Variants in CARMIL1 observed in about 807,000 individuals in gnomAD.
CARMIL1 encodes capping protein regulator and myosin 1 linker 1.
CARMIL1 carries 90 observed loss-of-function variants against 177.1 expected under a neutral mutation model. The ratio of observed to expected loss-of-function variants is 0.51; its 90% CI spans 0.43 to 0.61. CARMIL1 has a LOEUF of 0.61. Among genes scored for constraint, CARMIL1 ranks in the 20% least tolerant of loss-of-function variants. The probability of loss-of-function intolerance (pLI) is 0.00; values close to 1 mark genes in which losing one functional copy is unlikely to be tolerated. For missense variants in CARMIL1, 1,380 were observed against 1,667.0 expected (o/e 0.83, Z 3.00); for synonymous variants, 577 against 606.2 (o/e 0.95, Z 0.71).
chr6:25,451,986 G>GGGGGGGGGGGGGGGCGC, intron 8 of CARMIL1: 1 of 112,672 alleles, frequency 8.9e-6, no homozygotes, highest in Non-Finnish European at 1.7e-5. Context: ...CTAGCATCTT[G>GGGGGGGGGGGGGGGCGC]CCCCCCCCTC....
At chr6:25,388,547 G>A (rs1255344247) in intron 2 of CARMIL1, among the ~76,000 whole-genome samples, 3 of 152,138 alleles carry the variant, frequency 2.0e-5, no homozygotes, top group Non-Finnish European at 4.4e-5. Flanking sequence ...TGTATTTTTA[G>A]TAGAGACGGG....
chr6:25,518,724 T>A (rs1264015281), intron 22 of CARMIL1, among the ~76,000 whole-genome samples: 1 of 152,190 alleles, frequency 6.6e-6, no homozygotes, highest in Non-Finnish European at 1.5e-5. Flanking sequence ...GCACAACCAA[T>A]ACTCAGCATT....
chr6:25,451,986 G>GCACCCCCC, intron 8 of CARMIL1: 3 of 112,670 alleles, frequency 2.7e-5, no homozygotes, highest in South Asian at 7.1e-5. Flanking sequence ...CTAGCATCTT[G>GCACCCCCC]CCCCCCCCTC....
intron 36 of CARMIL1, among the ~76,000 whole-genome samples, chr6:25,615,873 A>G (rs1211124254): frequency 6.6e-6 from 1 of 152,242 alleles, no homozygotes; most frequent in Admixed American, 6.5e-5. Flanking sequence ...ATGGTTCTCT[A>G]ATTCTGCATT....
At chr6:25,480,823 C>G (rs186655335) in intron 11 of CARMIL1, among the ~76,000 whole-genome samples, 116 of 149,240 alleles carry the variant, frequency 7.8e-4, no homozygotes, top group African/African-American at 2.8e-3. Flanking sequence ...TGAGTTCACG[C>G]CATTCTCCTG....
At chr6:25,438,219 C>G (rs1351575843) in intron 5 of CARMIL1, among the ~76,000 whole-genome samples, 1 of 152,188 alleles carries the variant, frequency 6.6e-6, no homozygotes. Flanking sequence ...ACTTCCTGCA[C>G]TAGTACACAT....
chr6:25,411,954 C>T (rs551030242), intron 2 of CARMIL1, among the ~76,000 whole-genome samples: 1 of 152,226 alleles, frequency 6.6e-6, no homozygotes, highest in South Asian at 2.1e-4. Context: ...GTCATGGGCT[C>T]AGAGTGTAGG....
intron 16 of CARMIL1, among the ~76,000 whole-genome samples, chr6:25,499,194 T>C (rs1244044204): frequency 6.6e-6 from 1 of 152,242 alleles, no homozygotes. Context: ...TGGGGTATGC[T>C]GAGTGGAGGT....
chr6:25,516,775 T>C (rs1412521956), intron 21 of CARMIL1, among the ~76,000 whole-genome samples: 1 of 152,182 alleles, frequency 6.6e-6, no homozygotes, highest in Non-Finnish European at 1.5e-5. Context: ...GCAAACAAAC[T>C]CCTGTTTATA....
intron 2 of CARMIL1, among the ~76,000 whole-genome samples, chr6:25,412,915 G>T (rs1003763567): frequency 6.6e-6 from 1 of 152,188 alleles, no homozygotes; most frequent in African/African-American, 2.4e-5. Flanking sequence ...AGGATTTTAA[G>T]TCAGGAATTA....
intron 2 of CARMIL1, among the ~76,000 whole-genome samples, chr6:25,332,795 C>G (rs1031918160): frequency 2.4e-5 from 2 of 83,328 alleles, no homozygotes; most frequent in Admixed American, 2.3e-4. Flanking sequence ...ACACACACTT[C>G]TTTTAGGGAA....
intron 26 of CARMIL1, among the ~76,000 whole-genome samples, chr6:25,546,509 G>A (rs1809482894): frequency 6.6e-6 from 1 of 151,942 alleles, no homozygotes; most frequent in South Asian, 2.1e-4. Flanking sequence ...AGACCAGCCT[G>A]GACAACACAG....
At chr6:25,480,401 A>G (rs1801971580) in intron 11 of CARMIL1, among the ~76,000 whole-genome samples, 1 of 151,866 alleles carries the variant, frequency 6.6e-6, no homozygotes, top group East Asian at 1.9e-4. Context: ...TTCTTAATTA[A>G]TGAAATATTC....
At chr6:25,603,146 A>G (rs902850167) in intron 33 of CARMIL1, among the ~76,000 whole-genome samples, 1 of 152,210 alleles carries the variant, frequency 6.6e-6, no homozygotes, top group African/African-American at 2.4e-5. Context: ...GGAGGTCCTC[A>G]CTTTCAGGTG....
At position 25,372,657 on chromosome 6, in the gene CARMIL1, G is replaced by A. The variant is rs949336916; in HGVS notation, c.139-47457G>A. On this transcript the variant is annotated intron_variant, in intron 2 of 36. Coordinates refer to ENST00000329474, the MANE Select transcript of CARMIL1 (RefSeq NM_017640.6). ...GGAGTCTTTTGGAGGAGTCTTTAGG[G>A]TTTTCTAGGTATATAATCATACCAC... 5.3e-5 allele frequency among the ~76,000 whole-genome samples: 8 copies of A among 152,208 alleles called. No individual in the cohort carries two copies. The East Asian group carries it at 1.5e-3, about 29-fold the overall frequency.
At chr6:25,443,365 G>A (rs1325401645) in intron 5 of CARMIL1, among the ~76,000 whole-genome samples, 3 of 152,168 alleles carry the variant, frequency 2.0e-5, no homozygotes, top group Admixed American at 6.5e-5. Flanking sequence ...TCTCAAACAT[G>A]GTTACCCCGA....
chr6:25,332,102 G>A (rs530867459), intron 2 of CARMIL1, among the ~76,000 whole-genome samples: 1 of 152,238 alleles, frequency 6.6e-6, no homozygotes, highest in South Asian at 2.1e-4. Context: ...GACTCCAAGT[G>A]ATCCTCTCGC....
At position 25,366,700 on chromosome 6, in the gene CARMIL1, ATTAAG is replaced by A. The variant is rs776028483; in HGVS notation, c.139-53407_139-53403del. ...TTTTCAAGATTAAAGATTTGTATGA[ATTAAG>A]TTAAGTAACAGCACCCTCTTACAGG... On this transcript the variant is annotated intron_variant, in intron 2 of 36. Coordinates refer to ENST00000329474, the MANE Select transcript of CARMIL1 (RefSeq NM_017640.6). 4.9e-4 allele frequency among the ~76,000 whole-genome samples: 74 copies of A among 151,842 alleles called. No homozygotes were observed. In the Middle Eastern group the frequency reaches 0.014, roughly 28 times the overall value.
At chr6:25,596,229 A>G (rs1344197938) in intron 32 of CARMIL1, among the ~76,000 whole-genome samples, 2 of 152,116 alleles carry the variant, frequency 1.3e-5, no homozygotes, top group African/African-American at 2.4e-5. Context: ...TTCATGTTTC[A>G]GTGCACAAAT....
Sources: allele counts gnomAD v4.1 joint callset (sites outside exome capture counted in the v4.1 genomes callset), GRCh38; gene constraint gnomAD v4.1.1; transcripts MANE v1.5; gene names NCBI Gene and HGNC (gene_info 2026-07-23, HGNC 2026-07-21).